The following CEMIP variants were observed in gnomAD, a reference collection of about 807,000 sequenced individuals.
CEMIP encodes cell migration inducing hyaluronidase 1, also known as cell migration-inducing and hyaluronan-binding protein.
Under a neutral mutation model 156.9 loss-of-function variants are expected in CEMIP, and 105 were observed. The ratio of observed to expected loss-of-function variants is 0.67; its 90% CI spans 0.57 to 0.79. The LOEUF (loss-of-function observed/expected upper bound fraction) is 0.79. CEMIP is among the 30% of genes least tolerant of loss of function. CEMIP has a pLI of 0.00. For synonymous variants in CEMIP, 676 were observed against 668.4 expected (o/e 1.01, Z -0.17); for missense variants, 1,457 against 1,769.4 (o/e 0.82, Z 3.17).
At chr15:80,907,084 G>A (rs1240132317) in intron 13 of CEMIP, among the ~76,000 whole-genome samples, 2 of 151,080 alleles carry the variant, frequency 1.3e-5, no homozygotes, top group South Asian at 2.1e-4. Flanking sequence ...CTCTGCTCTC[G>A]GCCACGTGGT....
At chr15:80,936,138 G>A (rs1901111809) in intron 23 of CEMIP, among the ~76,000 whole-genome samples, 1 of 152,222 alleles carries the variant, frequency 6.6e-6, no homozygotes, top group African/African-American at 2.4e-5. Context: ...CCTCTGAAAT[G>A]AGGCACCATT....
chr15:80,881,885 G>A (rs187425671), intron 6 of CEMIP, among the ~76,000 whole-genome samples: 146 of 152,346 alleles, frequency 9.6e-4, no homozygotes, highest in African/African-American at 3.4e-3. Context: ...CAGAAGGAAC[G>A]GCGGCTAGTG....
chr15:80,879,616 C>T (rs1165373756), intron 4 of CEMIP, 100 bp from the exon 5 acceptor site: 70 of 1,407,040 alleles, frequency 5.0e-5, no homozygotes, highest in Admixed American at 6.8e-5. Context: ...TTGCCTGCCC[C>T]GGTGAGATGG....
At chr15:80,942,153 C>T in intron 26 of CEMIP, 98 bp from the exon 27 acceptor site, 1 of 1,489,142 alleles carries the variant, frequency 6.7e-7, no homozygotes, top group South Asian at 1.1e-5. Flanking sequence ...GTCCCTCACT[C>T]AGCTCCATAA....
chr15:80,842,306 C>A (rs563400801), intron 1 of CEMIP, among the ~76,000 whole-genome samples: 1 of 152,148 alleles, frequency 6.6e-6, no homozygotes, highest in Non-Finnish European at 1.5e-5. Flanking sequence ...CTTTCTCCCC[C>A]ACCAGGACCT....
At chr15:80,933,566 T>TA in intron 23 of CEMIP, 106 bp downstream of exon 23, 1 of 841,846 alleles carries the variant, frequency 1.2e-6, no homozygotes, top group Non-Finnish European at 1.8e-6. Flanking sequence ...CAGAAAGAGA[T>TA]ACAGAATTTT....
At chr15:80,792,572 G>A (rs1029982668) in intron 1 of CEMIP, among the ~76,000 whole-genome samples, 35 of 152,162 alleles carry the variant, frequency 2.3e-4, no homozygotes, top group African/African-American at 8.0e-4. Flanking sequence ...ACTTCTTAGA[G>A]TTATGATCTT....
intron 1 of CEMIP, among the ~76,000 whole-genome samples, chr15:80,831,639 C>T (rs889797629): frequency 1.3e-5 from 2 of 152,146 alleles, no homozygotes; most frequent in Non-Finnish European, 1.5e-5. Flanking sequence ...TACAGGGCAC[C>T]GGTGAGCATT....
At chr15:80,942,821 GTT>G in intron 27 of CEMIP, 122 bp from the exon 28 acceptor site, 1 of 1,135,878 alleles carries the variant, frequency 8.8e-7, no homozygotes, top group Non-Finnish European at 1.3e-6. Context: ...GGATAATGGA[GTT>G]TACGCTTCAA....
chr15:80,883,185 A>C (rs1229004684), intron 6 of CEMIP, among the ~76,000 whole-genome samples: 2 of 152,208 alleles, frequency 1.3e-5, no homozygotes, highest in African/African-American at 4.8e-5. Flanking sequence ...ACTCTTTAGG[A>C]ATTTCTACTG....
chr15:80,883,919 C>CA (rs1360456540), intron 6 of CEMIP, among the ~76,000 whole-genome samples: 1 of 152,254 alleles, frequency 6.6e-6, no homozygotes, highest in Non-Finnish European at 1.5e-5. Flanking sequence ...TTCACTGCTG[C>CA]AATCATTTCT....
At position 80,879,744 on chromosome 15, in the gene CEMIP, G is replaced by T. The variant is rs1308342563; in HGVS notation, c.270G>T (p.Glu90Asp). ...AGCTGGTCATTAAAGACCACGACGA[G>T]CCGATTGTTTTGCGAACCCGGCACA... ...GGKLVIKDHD[E>D]PIVLRTRHIL... The change falls in exon 5 of 30, where the codon GAG (glutamate) becomes GAT (aspartate). Residue 90 changes from glutamate to aspartate, a missense_variant. This residue lies in a region of CEMIP where 309 missense variants were observed against 340.8 expected (regional missense o/e 0.91). Coordinates refer to ENST00000394685, the MANE Select transcript of CEMIP (RefSeq NM_001293298.2). 1 of 1,614,214 alleles carries T rather than the reference G, an allele frequency of 6.2e-7. No homozygotes were observed. Among genetic ancestry groups the T allele is most frequent in the East Asian group, 2.2e-5 (1 of 44,888 alleles).
intron 5 of CEMIP, 140 bp from the exon 6 acceptor site, chr15:80,880,760 G>A (rs1257172145): frequency 1.3e-6 from 1 of 781,012 alleles, no homozygotes; most frequent in East Asian, 2.4e-5. Flanking sequence ...ACTGACCTCA[G>A]GTGATAAAAG....
chr15:80,818,719 A>T (rs1239729747), intron 1 of CEMIP, among the ~76,000 whole-genome samples: 1 of 152,148 alleles, frequency 6.6e-6, no homozygotes, highest in Admixed American at 6.6e-5. Flanking sequence ...ACTCCCACTG[A>T]TTGTTGGTGG....
At chr15:80,921,408 T>A (rs1900467449) in intron 16 of CEMIP, among the ~76,000 whole-genome samples, 1 of 152,244 alleles carries the variant, frequency 6.6e-6, no homozygotes, top group Non-Finnish European at 1.5e-5. Flanking sequence ...GAATGGTACC[T>A]GACACATCAG....
Position 80,899,649 on chromosome 15 carries a change from G to A in CEMIP, c.1411+3589G>A, listed in dbSNP as rs151020166. ...AGAATGGGAGGGCTGCATGGGGCTC[G>A]AGAGAGAGGGAGGGGCCATGGTGCA... On this transcript the variant is annotated intron_variant, in intron 12 of 29. Coordinates refer to ENST00000394685, the MANE Select transcript of CEMIP (RefSeq NM_001293298.2). Among the ~76,000 whole-genome samples, 703 of 149,296 alleles carry A rather than the reference G, an allele frequency of 4.7e-3. 31 individuals are homozygous for A. Among genetic ancestry groups the A allele is most frequent in the Admixed American group, 0.042 (639 of 15,170 alleles).
intron 29 of CEMIP, chr15:80,948,056 C>A (rs1901638381): frequency 6.5e-6 from 1 of 153,340 alleles, no homozygotes; most frequent in African/African-American, 2.4e-5. Context: ...GTATCCTTTC[C>A]AGCCCAGTCC....
chr15:80,933,189 G>A (rs1044306671), intron 22 of CEMIP, 56 bp from the exon 23 acceptor site: 12 of 1,466,654 alleles, frequency 8.2e-6, no homozygotes, highest in East Asian at 2.3e-5. Context: ...GCCTGATGAC[G>A]GCTGCAGTTT....
chr15:80,787,997 C>T (rs551158616), intron 1 of CEMIP, among the ~76,000 whole-genome samples: 4 of 152,278 alleles, frequency 2.6e-5, no homozygotes, highest in African/African-American at 7.2e-5. Flanking sequence ...GACTTATTCC[C>T]AGCTTGGTCT....
Sources: allele counts gnomAD v4.1 joint callset (sites outside exome capture counted in the v4.1 genomes callset), GRCh38; gene constraint gnomAD v4.1.1; regional missense constraint gnomAD v4.1.1; transcripts MANE v1.5; gene names NCBI Gene and HGNC (gene_info 2026-07-23, HGNC 2026-07-21).